CLTCL1: variants seen among roughly 807,000 people sequenced by gnomAD.
CLTCL1 encodes the protein clathrin heavy chain like 1, also known as clathrin heavy chain 2.
A neutral mutation model predicts 190.0 loss-of-function variants in CLTCL1; 159 were observed. The observed-to-expected ratio is 0.84, with a 90% CI of 0.74 to 0.95. The LOEUF is 0.95. Ranked by LOEUF, CLTCL1 falls within the 40% of genes least tolerant of loss-of-function variation. The probability of loss-of-function intolerance (pLI) is 0.00; values close to 1 mark genes in which losing one functional copy is unlikely to be tolerated. For synonymous variants in CLTCL1, 752 were observed against 769.6 expected, an observed-to-expected ratio of 0.98 and a Z score of 0.38; for missense variants, 1,878 against 2,033.4, an observed-to-expected ratio of 0.92 and a Z score of 1.47.
At chr22:19,205,416 G>A (rs2146352613) in intron 22 of CLTCL1, among the ~76,000 whole-genome samples, 1 of 152,278 alleles carries the variant, frequency 6.6e-6, no homozygotes, top group East Asian at 1.9e-4. Flanking sequence ...AGGCTGAGGT[G>A]GGAGGATGGC....
At chr22:19,212,600 A>AAAGGAAGG (rs200691747) in intron 19 of CLTCL1, among the ~76,000 whole-genome samples, 38 of 148,954 alleles carry the variant, frequency 2.6e-4, no homozygotes, top group African/African-American at 9.6e-4. Flanking sequence ...AGAAAGAAAG[A>AAAGGAAGG]AAGGAAGGAA....
At chr22:19,207,258 C>T (rs1333255630) in intron 22 of CLTCL1, among the ~76,000 whole-genome samples, 2 of 151,366 alleles carry the variant, frequency 1.3e-5, no homozygotes, top group African/African-American at 4.9e-5. Context: ...CTCAGGTGAT[C>T]CACCCGCCTC....
chr22:19,204,560 A>C (rs1162621921), intron 22 of CLTCL1, among the ~76,000 whole-genome samples: 1 of 152,178 alleles, frequency 6.6e-6, no homozygotes, highest in Non-Finnish European at 1.5e-5. Context: ...CGGGGCAGAA[A>C]TCTGATTACC....
rs1325191063 is a variant in CLTCL1 at position 19,180,770 on chromosome 22, G to C, written c.4864C>G (p.Gln1622Glu). 1.9e-6 allele frequency: 3 copies of C among 1,613,700 alleles called. No homozygotes were observed. The African/African-American group carries it at 4.0e-5, about 22-fold the overall frequency. Residue 1622 changes from glutamine to glutamate, a missense_variant, in exon 31 of 33, where the codon CAA becomes GAA. Transcript: ENST00000427926. The part of the protein sequence containing the change: ...KLDALESLRK[Q>E]EEHVTEPAPL... ...GCAGGCTCTGTCACATGCTCCTCTTGCTTGCGCAGACTCTCCAAGGCATCC... is the reference window on the plus strand; with the variant it reads ...GCAGGCTCTGTCACATGCTCCTCTTCCTTGCGCAGACTCTCCAAGGCATCC...
At chr22:19,249,093 T>A (rs988394597) in intron 3 of CLTCL1, among the ~76,000 whole-genome samples, 1 of 152,198 alleles carries the variant, frequency 6.6e-6, no homozygotes. Context: ...GTTCAAATGA[T>A]CATGCCTATA....
intron 2 of CLTCL1, chr22:19,258,586 A>T (rs938767895): frequency 9.7e-5 from 59 of 610,944 alleles, no homozygotes; most frequent in Non-Finnish European, 1.4e-4. Flanking sequence ...GCAGAGGGAC[A>T]GCGCCAGGCC....
intron 30 of CLTCL1, chr22:19,182,356 C>G (rs979642801): frequency 6.6e-6 from 1 of 152,310 alleles, no homozygotes; most frequent in African/African-American, 2.4e-5. Context: ...GTCCATGTCC[C>G]CTGGCAGCCC....
chr22:19,209,122 T>C lies in CLTCL1; in HGVS notation c.3250-8A>G, dbSNP rs2085142051. ...AATGTGCTCGATCAGGACCTAGGGG[T>C]TATGAGAGGACTTCCATTCTCTGCA... is the stretch of plus-strand genomic sequence containing the variant. On this transcript the variant is annotated splice_region_variant and splice_polypyrimidine_tract_variant and intron_variant, in intron 20 of 32. Coordinates refer to ENST00000427926, the MANE Select transcript of CLTCL1 (RefSeq NM_007098.4). 1.9e-6 allele frequency: 3 copies of C among 1,578,868 alleles called. No individual in the cohort carries two copies.
At chr22:19,210,287 A>G (rs781828401) in intron 20 of CLTCL1, 39 bp downstream of exon 20, 2 of 1,593,962 alleles carry the variant, frequency 1.3e-6, no homozygotes, top group African/African-American at 2.7e-5. Flanking sequence ...GATGTGGCAG[A>G]AGGTGCTAGG....
At chr22:19,181,379 A>G (rs868951796) in intron 30 of CLTCL1, 1 of 154,174 alleles carries the variant, frequency 6.5e-6, no homozygotes, top group Non-Finnish European at 1.4e-5. Context: ...GCGAGGCGGC[A>G]GCACTGCACT....
chr22:19,180,921 A>T, intron 30 of CLTCL1, 115 bp from the exon 31 acceptor site: 4 of 859,692 alleles, frequency 4.7e-6, no homozygotes, highest in Non-Finnish European at 7.9e-6. Context: ...ACAGTGGAGG[A>T]GGTGCACATG....
At chr22:19,235,473 T>C (rs2086051270) in intron 6 of CLTCL1, among the ~76,000 whole-genome samples, 1 of 152,256 alleles carries the variant, frequency 6.6e-6, no homozygotes, top group Non-Finnish European at 1.5e-5. Context: ...TGCTGTTCTA[T>C]ACGCAGGAAG....
chr22:19,219,913 T>A lies in CLTCL1; in HGVS notation c.2891A>T (p.Asn964Ile). The A allele has an allele frequency of 6.2e-7, 1 of 1,614,038 alleles. No homozygotes were observed. Among genetic ancestry groups the A allele is most frequent in the East Asian group, 2.2e-5 (1 of 44,884 alleles). Residue 964 changes from asparagine to isoleucine, a missense_variant, in exon 18 of 33, where the codon AAC (asparagine) becomes ATC (isoleucine). Coordinates refer to ENST00000427926, the MANE Select transcript of CLTCL1 (RefSeq NM_007098.4). The part of the protein sequence containing the change: ...ELWAHVLEET[N>I]PSRRQLIDQV... Reference sequence around the variant, plus strand: ...GTCAATTAGCTGTCTCCTGGATGGGTTGGTCTCCTCAAGGACGTGAGCCCA... The same window carrying A: ...GTCAATTAGCTGTCTCCTGGATGGGATGGTCTCCTCAAGGACGTGAGCCCA...
chr22:19,254,976 C>G (rs1214135924), intron 2 of CLTCL1, among the ~76,000 whole-genome samples: 1 of 152,076 alleles, frequency 6.6e-6, no homozygotes, highest in African/African-American at 2.4e-5. Flanking sequence ...TGGAATTATA[C>G]AAAATTTAGA....
intron 1 of CLTCL1, among the ~76,000 whole-genome samples, chr22:19,286,772 C>T (rs141469155): frequency 8.0e-4 from 122 of 152,296 alleles, no homozygotes; most frequent in African/African-American, 2.1e-3. Flanking sequence ...GGAAGGAATA[C>T]CAAAGCTCCA....
At chr22:19,262,201 T>C (rs1193372780) in intron 2 of CLTCL1, among the ~76,000 whole-genome samples, 1 of 151,802 alleles carries the variant, frequency 6.6e-6, no homozygotes, top group East Asian at 2.0e-4. Context: ...AATTTTTTTG[T>C]ATTTTTAGTA....
rs540142729 is a variant in CLTCL1 at position 19,208,967 on chromosome 22, C to G, written c.3397G>C (p.Asp1133His). 6.2e-7 allele frequency: 1 copy of G among 1,611,324 alleles called. No individual in the cohort carries two copies. Among genetic ancestry groups the G allele is most frequent in the Non-Finnish European group, 8.5e-7 (1 of 1,178,936 alleles). ...ACAACTTCCAGGTAAGAGGAAGGGT[C>G]GTCCCCTCTGATATAGGAGTTGATG... ...EAINSYIRGD[D>H]PSSYLEVVQS... Residue 1133 changes from aspartate to histidine, a missense_variant, in exon 21 of 33, where the codon GAC (aspartate) becomes CAC (histidine). Transcript: ENST00000427926.
chr22:19,230,094 C>T (rs113338080), intron 10 of CLTCL1, 119 bp from the exon 11 acceptor site: 633,638 of 710,212 alleles, frequency 0.89, 279,790 homozygotes, highest in Admixed American at 0.93. Context: ...AGTTCCCTCC[C>T]TTGGTTTTTT....
intron 2 of CLTCL1, among the ~76,000 whole-genome samples, chr22:19,264,831 C>T (rs552571036): frequency 1.1e-3 from 170 of 152,030 alleles, no homozygotes; most frequent in Non-Finnish European, 2.0e-3. Context: ...TTTTGGGGCC[C>T]AAGCTGGAGT....
Sources: allele counts gnomAD v4.1 joint callset (sites outside exome capture counted in the v4.1 genomes callset), GRCh38; gene constraint gnomAD v4.1.1; transcripts MANE v1.5; gene names NCBI Gene and HGNC (gene_info 2026-07-23, HGNC 2026-07-21).